EDC3: variants seen among roughly 807,000 people sequenced by gnomAD.
The protein encoded by EDC3 is enhancer of mRNA decapping 3, also known as enhancer of mRNA-decapping protein 3.
In EDC3, 20 loss-of-function variants were observed where a neutral mutation model predicts 41.8. The ratio of observed to expected loss-of-function variants is 0.48; its 90% CI spans 0.34 to 0.70. The LOEUF is 0.70. Among genes scored for constraint, EDC3 ranks in the 30% least tolerant of loss-of-function variants. The probability of loss-of-function intolerance (pLI) is 0.01; values close to 1 mark genes in which losing one functional copy is unlikely to be tolerated. For synonymous variants in EDC3, 206 were observed against 243.2 expected, an observed-to-expected ratio of 0.85 and a Z score of 1.42; for missense variants, 444 against 636.8, an observed-to-expected ratio of 0.70 and a Z score of 3.26.
At chr15:74,667,747 T>C (rs1346199543) in intron 3 of EDC3, among the ~76,000 whole-genome samples, 4 of 152,036 alleles carry the variant, frequency 2.6e-5, no homozygotes, top group Admixed American at 6.6e-5. Flanking sequence ...CATGCTGATA[T>C]AAATAAATGA....
chr15:74,632,461 A>G lies in EDC3; in HGVS notation c.*151T>C. 1.1e-6 allele frequency: 1 copy of G among 929,096 alleles called. No individual in the cohort carries two copies. The highest frequency in any genetic ancestry group is 1.7e-5 in the South Asian group (1 of 57,258). The allele number at this position is 929,096 out of a possible 1,614,324, so 57.6% of individuals were successfully genotyped here. On this transcript the variant is annotated 3_prime_UTR_variant, in exon 7 of 7. Coordinates refer to ENST00000315127, the MANE Select transcript of EDC3 (RefSeq NM_025083.5). The surrounding 1 kb of genome is among the most constrained non-coding windows in gnomAD (Gnocchi z 4.0). ...ACTTCCCTGGCTAAGAGCAAGTGAC[A>G]GGTCAGTTTTAAGTAAGTTCTGTTC... is the stretch of plus-strand genomic sequence containing the variant.
intron 4 of EDC3, among the ~76,000 whole-genome samples, chr15:74,645,565 G>GC (rs1491127277): frequency 6.9e-5 from 3 of 43,702 alleles, no homozygotes; most frequent in South Asian, 2.0e-3. Context: ...AAAAAAAGTT[G>GC]GGGGGGGGGG....
intron 5 of EDC3, chr15:74,638,948 CAAAAAAA>C (rs533499312): frequency 2.3e-5 from 3 of 129,656 alleles, no homozygotes; most frequent in African/African-American, 8.4e-5. Flanking sequence ...TTCTAAGAGA[CAAAAAAA>C]AAAAAAAGAG....
chr15:74,683,733 AT>A (rs1037551522), intron 1 of EDC3, among the ~76,000 whole-genome samples: 2 of 152,192 alleles, frequency 1.3e-5, no homozygotes, highest in African/African-American at 4.8e-5. Context: ...TAAAAAAAAA[AT>A]CAATGCCTTG....
Position 74,631,561 on chromosome 15 carries a change from G to A in EDC3, c.*1051C>T, listed in dbSNP as rs2141561261. ...ACAAATGTAAAAGGTTCAAAGCCCA[G>A]ATGATGTAAGAGCTGGGGTGGAGCT... is the stretch of plus-strand genomic sequence containing the variant. On this transcript the variant is annotated 3_prime_UTR_variant, in exon 7 of 7. Coordinates refer to ENST00000315127, the MANE Select transcript of EDC3 (RefSeq NM_025083.5). 6.6e-6 allele frequency: 1 copy of A among 152,400 alleles called. No homozygotes were observed. The highest frequency in any genetic ancestry group is 1.9e-4 in the East Asian group (1 of 5,204). The allele number at this position is 152,400 out of a possible 1,614,324, so 9.4% of individuals were successfully genotyped here. A position where few individuals can be genotyped will look rare whatever the true frequency, so the allele number is the denominator to read the frequency against.
chr15:74,674,084 T>A (rs1418803418), intron 2 of EDC3, among the ~76,000 whole-genome samples: 1 of 152,166 alleles, frequency 6.6e-6, no homozygotes, highest in Admixed American at 6.6e-5. Flanking sequence ...TACTGTACTT[T>A]AAAAGATAGG....
chr15:74,637,896 T>G (rs1485656357), intron 5 of EDC3: 1 of 152,178 alleles, frequency 6.6e-6, no homozygotes, highest in African/African-American at 2.4e-5. Context: ...TGAGTGCTGC[T>G]CAGGGAAAGG....
chr15:74,665,724 C>A (rs1248556187), intron 3 of EDC3, among the ~76,000 whole-genome samples: 1 of 151,790 alleles, frequency 6.6e-6, no homozygotes, highest in Non-Finnish European at 1.5e-5. Context: ...CCAACAAATT[C>A]CTCAACTCCT....
rs1332190351 is a variant in EDC3, at chr15:74,631,035, G to C, written c.*1577C>G. On this transcript the variant is annotated 3_prime_UTR_variant, in exon 7 of 7. Transcript: ENST00000315127. ...GGGAGCTGCTTGGCCCTGAGAGTGA[G>C]CAGAGGCTCAGAGAATACACAGCAC... 1.3e-5 allele frequency: 2 copies of C among 152,246 alleles called. No homozygotes were observed. The highest frequency in any genetic ancestry group is 3.8e-4 in the East Asian group (2 of 5,200). The allele number at this position is 152,246 out of a possible 1,614,324, so 9.4% of individuals were successfully genotyped here.
chr15:74,667,601 C>T (rs949094132), intron 3 of EDC3, among the ~76,000 whole-genome samples: 18 of 150,494 alleles, frequency 1.2e-4, no homozygotes, highest in African/African-American at 4.4e-4. Flanking sequence ...ATAAAATCCA[C>T]AATGATTGGA....
chr15:74,641,055 G>C (rs1008879949), intron 4 of EDC3: 1 of 211,356 alleles, frequency 4.7e-6, no homozygotes, highest in Non-Finnish European at 9.4e-6. Context: ...CTGAGAAGTG[G>C]AACAGACACT....
At chr15:74,660,433 A>ATATGTG (rs60853393) in intron 3 of EDC3, among the ~76,000 whole-genome samples, 52 of 47,156 alleles carry the variant, frequency 1.1e-3, no homozygotes, top group African/African-American at 2.7e-3. Context: ...ATATATATAT[A>ATATGTG]TGTGTGTGTG....
intron 1 of EDC3, among the ~76,000 whole-genome samples, chr15:74,686,255 G>A (rs1305969844): frequency 6.6e-6 from 1 of 152,128 alleles, no homozygotes. Context: ...AACCCGGGAG[G>A]CGGAGGATGC....
At chr15:74,672,313 CTG>C (rs2062749457) in intron 2 of EDC3, among the ~76,000 whole-genome samples, 2 of 148,192 alleles carry the variant, frequency 1.3e-5, no homozygotes, top group South Asian at 2.1e-4. Context: ...AACAACAAAA[CTG>C]TATTAATCTT....
At chr15:74,635,756 C>T in intron 5 of EDC3, 130 bp from the exon 6 acceptor site, 1 of 854,012 alleles carries the variant, frequency 1.2e-6, no homozygotes, top group Non-Finnish European at 1.8e-6. Flanking sequence ...TCCCAGGCTC[C>T]AGAGGGGGAC....
chr15:74,649,994 G>A (rs2062462701), intron 4 of EDC3, among the ~76,000 whole-genome samples: 1 of 152,094 alleles, frequency 6.6e-6, no homozygotes, highest in Admixed American at 6.5e-5. Flanking sequence ...ACTCAACCCT[G>A]TTTTCAATCA....
At chr15:74,640,918 C>A in intron 4 of EDC3, 1 of 370,734 alleles carries the variant, frequency 2.7e-6, no homozygotes. Flanking sequence ...TTAGTGCTAT[C>A]GAGACCAGCA....
chr15:74,652,922 G>A (rs1487772823), intron 4 of EDC3, among the ~76,000 whole-genome samples: 3 of 151,836 alleles, frequency 2.0e-5, no homozygotes, highest in Non-Finnish European at 4.4e-5. Context: ...GCTGACGCCT[G>A]TAATCCCAGC....
intron 3 of EDC3, among the ~76,000 whole-genome samples, chr15:74,669,900 G>C (rs574487045): frequency 3.3e-4 from 50 of 152,156 alleles, no homozygotes; most frequent in Admixed American, 5.9e-4. Context: ...CTGAAGTGCA[G>C]TGGCATGATC....
Sources: allele counts gnomAD v4.1 joint callset (sites outside exome capture counted in the v4.1 genomes callset), GRCh38; gene constraint gnomAD v4.1.1; non-coding constraint Gnocchi (gnomAD v3.1); transcripts MANE v1.5; gene names NCBI Gene and HGNC (gene_info 2026-07-23, HGNC 2026-07-21).